Variants in AQP9 observed in about 807,000 individuals in gnomAD.
AQP9 encodes aquaporin-9.
In AQP9, 19 loss-of-function variants were observed where a neutral mutation model predicts 23.8. That is an observed-to-expected ratio of 0.80 (90% confidence interval 0.56 to 1.17). The LOEUF is 1.17. AQP9 is among the 50% of genes most tolerant of loss of function. AQP9 has a pLI of 0.00. For missense variants in AQP9, 413 were observed against 362.0 expected, an observed-to-expected ratio of 1.14 and a Z score of -1.14; for synonymous variants, 153 against 131.5, an observed-to-expected ratio of 1.16 and a Z score of -1.12.
chr15:58,183,969 A>G lies in AQP9; in HGVS notation c.722A>G (p.Asn241Ser). 2 of 1,613,970 alleles carry G rather than the reference A, an allele frequency of 1.2e-6. No individual in the cohort carries two copies. The highest frequency in any genetic ancestry group is 1.1e-5 in the South Asian group (1 of 91,036). Residue 241 changes from asparagine to serine, a missense_variant, in exon 6 of 6, where the codon AAC becomes AGC. Coordinates refer to ENST00000219919, the MANE Select transcript of AQP9 (RefSeq NM_020980.5). ...TTCTTGTTTGATTTCAGAGCTGGAA[A>G]CAACTTCTGGTGGATTCCTGTAGTG... is the stretch of plus-strand genomic sequence containing the variant. Reference protein sequence around the residue: ...GWGFEVFRAGNNFWWIPVVGP... With the variant: ...GWGFEVFRAGSNFWWIPVVGP...
intron 2 of AQP9, among the ~76,000 whole-genome samples, chr15:58,168,730 C>A (rs1172031945): frequency 1.3e-5 from 2 of 152,112 alleles, no homozygotes; most frequent in African/African-American, 4.8e-5. Flanking sequence ...TGCTGTGATC[C>A]CAGCACTCTA....
At position 58,183,978 on chromosome 15, in the gene AQP9, G is replaced by T. The variant is rs1265764745; in HGVS notation, c.731G>T (p.Trp244Leu). ...GATTTCAGAGCTGGAAACAACTTCTGGTGGATTCCTGTAGTGGGCCCTTTG... is the reference window on the plus strand; with the variant it reads ...GATTTCAGAGCTGGAAACAACTTCTTGTGGATTCCTGTAGTGGGCCCTTTG... ...FEVFRAGNNFWWIPVVGPLVG... is the reference protein window; with the variant it reads ...FEVFRAGNNFLWIPVVGPLVG... The change falls in exon 6 of 6, where the codon TGG becomes TTG. Residue 244 changes from tryptophan to leucine, a missense_variant. Physicochemically the swap from Trp to Leu is moderately conservative, Grantham distance 61. Transcript: ENST00000219919. 1.8e-5 allele frequency: 29 copies of T among 1,613,846 alleles called. No individual in the cohort carries two copies. The highest frequency in any genetic ancestry group is 2.3e-5 in the Non-Finnish European group (27 of 1,179,960).
intron 1 of AQP9, among the ~76,000 whole-genome samples, chr15:58,156,325 T>A (rs1898258668): frequency 2.6e-5 from 4 of 152,214 alleles, no homozygotes; most frequent in Admixed American, 6.5e-5. Flanking sequence ...TGCACTATAA[T>A]TGTTTAATCA....
At chr15:58,167,396 G>T (rs2140618699) in intron 2 of AQP9, among the ~76,000 whole-genome samples, 1 of 152,322 alleles carries the variant, frequency 6.6e-6, no homozygotes, top group African/African-American at 2.4e-5. Flanking sequence ...GGTTACCAAA[G>T]ACACTCAGAA....
At chr15:58,160,267 T>C (rs1898347867) in intron 1 of AQP9, among the ~76,000 whole-genome samples, 1 of 148,678 alleles carries the variant, frequency 6.7e-6, no homozygotes, top group Non-Finnish European at 1.5e-5. Context: ...TTTTTTTTTT[T>C]CATATGCCTG....
Position 58,184,238 on chromosome 15 carries a change from T to C in AQP9, c.*103T>C. On this transcript the variant is annotated 3_prime_UTR_variant, in exon 6 of 6. Transcript: ENST00000219919. ...TAAGCCTGAGGTGGAATCCACCCAG[T>C]TTTGTCTGCTAGCCATATGGGACAT... 5.5e-6 allele frequency: 7 copies of C among 1,266,158 alleles called. No individual in the cohort carries two copies. The highest frequency in any genetic ancestry group is 4.4e-6 in the Non-Finnish European group (4 of 908,388). The allele number at this position is 1,266,158 out of a possible 1,614,324, so 78.4% of individuals were successfully genotyped here. A position where few individuals can be genotyped will look rare whatever the true frequency, so the allele number is the denominator to read the frequency against.
intron 1 of AQP9, among the ~76,000 whole-genome samples, chr15:58,145,943 GTC>G (rs1446503998): frequency 2.0e-5 from 3 of 152,154 alleles, no homozygotes; most frequent in Non-Finnish European, 4.4e-5. Context: ...TTTTTCAGGT[GTC>G]TCTGTCATTT....
chr15:58,181,929 A>G (rs1342789824), intron 5 of AQP9, among the ~76,000 whole-genome samples: 2 of 152,102 alleles, frequency 1.3e-5, no homozygotes, highest in Non-Finnish European at 2.9e-5. Context: ...TCATTTCCTC[A>G]GAGTTCTATA....
intron 1 of AQP9, among the ~76,000 whole-genome samples, chr15:58,145,785 T>C (rs1898033984): frequency 6.6e-6 from 1 of 152,244 alleles, no homozygotes. Context: ...CTCCTTATTC[T>C]TGCAGTTCTT....
At chr15:58,176,834 C>A (rs1198142183) in intron 4 of AQP9, among the ~76,000 whole-genome samples, 1 of 152,018 alleles carries the variant, frequency 6.6e-6, no homozygotes, top group African/African-American at 2.4e-5. Flanking sequence ...TGGTCTCGAA[C>A]TCCTGACCTC....
At chr15:58,140,009 C>T (rs1254641762) in intron 1 of AQP9, among the ~76,000 whole-genome samples, 1 of 152,168 alleles carries the variant, frequency 6.6e-6, no homozygotes. Context: ...TCACTGCTTA[C>T]TGGAAAATCT....
chr15:58,182,059 G>A (rs960581294), intron 5 of AQP9, among the ~76,000 whole-genome samples: 1 of 152,146 alleles, frequency 6.6e-6, no homozygotes. Flanking sequence ...GCAGTGGAAT[G>A]ATGGCAGGTA....
intron 1 of AQP9, chr15:58,151,331 GTTA>G (rs1297618193): frequency 6.6e-6 from 1 of 152,034 alleles, no homozygotes; most frequent in Non-Finnish European, 1.5e-5. Flanking sequence ...AATGCTAAAA[GTTA>G]TTATTCCAAC....
chr15:58,138,573 C>T lies in AQP9; in HGVS notation c.8C>T (p.Pro3Leu). The T allele has an allele frequency of 1.2e-6, 2 of 1,613,652 alleles. No homozygotes were observed. Among genetic ancestry groups the T allele is most frequent in the Middle Eastern group, 1.6e-4 (1 of 6,062 alleles). The part of the protein sequence containing the change: MQ[P>L]EGAEKGKSFK... ...CCTCAGAGAAGCCCCAAGATGCAGC[C>T]TGAGGGAGCAGAAAAGGGAAAAAGC... Residue 3 changes from proline to leucine, a missense_variant, in exon 1 of 6, where the codon CCT becomes CTT. By Grantham distance (98) the Pro-to-Leu change is moderately conservative (BLOSUM62 -3). Coordinates refer to ENST00000219919, the MANE Select transcript of AQP9 (RefSeq NM_020980.5).
intron 1 of AQP9, among the ~76,000 whole-genome samples, chr15:58,148,311 C>A (rs768171466): frequency 8.5e-5 from 13 of 152,186 alleles, no homozygotes; most frequent in Non-Finnish European, 1.6e-4. Context: ...ATTATCAGAG[C>A]CTTTAATGTT....
Position 58,179,095 on chromosome 15 carries a change from G to A in AQP9, c.496-33G>A, listed in dbSNP as rs1898821124. 4.7e-6 allele frequency: 7 copies of A among 1,503,842 alleles called. No individual in the cohort carries two copies. In the South Asian group the frequency reaches 7.9e-5, roughly 17 times the overall value. The allele number at this position is 1,503,842 out of a possible 1,614,324, so 93.2% of individuals were successfully genotyped here. A position where few individuals can be genotyped will look rare whatever the true frequency, so the allele number is the denominator to read the frequency against. The stretch of plus-strand genomic sequence containing the variant: ...AGACATGCAGGTGAGCAGAATGCAG[G>A]CTAAAGCCCTGGCTCAACTTCTCCC... On this transcript the variant is annotated intron_variant, in intron 4 of 5. Transcript: ENST00000219919.
At chr15:58,159,589 C>T (rs1460049484) in intron 1 of AQP9, among the ~76,000 whole-genome samples, 8 of 152,136 alleles carry the variant, frequency 5.3e-5, no homozygotes, top group African/African-American at 1.9e-4. Flanking sequence ...TGTTACTGAT[C>T]TTTCAAGCAC....
chr15:58,175,601 A>G (rs533915531), intron 4 of AQP9, among the ~76,000 whole-genome samples: 15 of 152,356 alleles, frequency 9.8e-5, no homozygotes, highest in African/African-American at 3.6e-4. Context: ...TGGCAGGACT[A>G]ACATTGTCAA....
rs75395859 is a variant in AQP9, at chr15:58,151,497, C to G, written c.111+12821C>G. 3.9e-3 allele frequency: 595 copies of G among 152,162 alleles called. 6 individuals are homozygous for G. Among genetic ancestry groups the G allele is most frequent in the African/African-American group, 0.014 (570 of 41,504 alleles). The allele number at this position is 152,162 out of a possible 1,614,324, so 9.4% of individuals were successfully genotyped here. ...CTCACTAACTTTCTCCTCTGACCCA[C>G]TAACATCACCCCTTCTAATCTTAAC... On this transcript the variant is annotated intron_variant, in intron 1 of 5. Coordinates refer to ENST00000219919, the MANE Select transcript of AQP9 (RefSeq NM_020980.5).
Sources: allele counts gnomAD v4.1 joint callset (sites outside exome capture counted in the v4.1 genomes callset), GRCh38; gene constraint gnomAD v4.1.1; transcripts MANE v1.5; gene names NCBI Gene and HGNC (gene_info 2026-07-23, HGNC 2026-07-21).